PTPRB: variants seen among roughly 807,000 people sequenced by gnomAD.
PTPRB encodes the protein protein tyrosine phosphatase receptor type B, also known as receptor-type tyrosine-protein phosphatase beta.
Under a neutral mutation model 238.1 loss-of-function variants are expected in PTPRB, and 97 were observed. That is an observed-to-expected ratio of 0.41 (90% CI 0.35 to 0.48). PTPRB has a LOEUF of 0.48. Among genes scored for constraint, PTPRB ranks in the 20% least tolerant of loss-of-function variants. The pLI is 0.30. For synonymous variants in PTPRB, 970 were observed against 995.4 expected (o/e 0.97, Z 0.48); for missense variants, 2,292 against 2,681.9 (o/e 0.85, Z 3.21).
At chr12:70,598,201 G>A (rs1435051142) in intron 4 of PTPRB, among the ~76,000 whole-genome samples, 2 of 150,920 alleles carry the variant, frequency 1.3e-5, no homozygotes, top group Non-Finnish European at 2.9e-5. Flanking sequence ...TGTGTGCTTT[G>A]GGCAATTCCT....
chr12:70,528,669 AATAAT>A (rs1872744807), intron 32 of PTPRB, among the ~76,000 whole-genome samples: 1 of 152,174 alleles, frequency 6.6e-6, no homozygotes, highest in African/African-American at 2.4e-5. Flanking sequence ...AAAAAATAGA[AATAAT>A]AAATAAATGC....
chr12:70,558,373 T>C (rs1342818378), intron 18 of PTPRB, among the ~76,000 whole-genome samples: 7 of 152,230 alleles, frequency 4.6e-5, no homozygotes. Context: ...TATTAATGCT[T>C]ATTAAAAAAA....
chr12:70,529,920 C>A (rs1257610050), intron 32 of PTPRB, among the ~76,000 whole-genome samples: 1 of 151,986 alleles, frequency 6.6e-6, no homozygotes, highest in African/African-American at 2.4e-5. Context: ...GCCTCTAGAT[C>A]TAACCACCAG....
intron 1 of PTPRB, 96 bp from the exon 2 acceptor site, chr12:70,636,162 C>G (rs141947935): frequency 8.6e-7 from 1 of 1,169,286 alleles, no homozygotes; most frequent in Non-Finnish European, 1.2e-6. Context: ...AATAAAATCA[C>G]TAGTTTTACT....
At chr12:70,606,122 A>G (rs146914492) in intron 4 of PTPRB, among the ~76,000 whole-genome samples, 298 of 152,334 alleles carry the variant, frequency 2.0e-3, no homozygotes, top group Non-Finnish European at 3.5e-3. Flanking sequence ...CTCATCCAGA[A>G]AAGATGAGAT....
In PTPRB at chr12:70,520,360, G is replaced by C. The variant is rs533188506; in HGVS notation, c.*1129C>G. The C allele has an allele frequency of 8.4e-6, 2 of 237,698 alleles. No individual in the cohort carries two copies. Among genetic ancestry groups the C allele is most frequent in the African/African-American group, 4.7e-5 (2 of 42,772 alleles). 14.7% of individuals were successfully genotyped at this position (237,698 alleles called of 1,614,324 possible). On this transcript the variant is annotated 3_prime_UTR_variant, in exon 34 of 34. Transcript: ENST00000334414. ...ACTTTGGGTGATTACTTGACATTTT[G>C]ACTTCATTGATTTACTAAAAGAAGT...
At chr12:70,610,870 G>C (rs1356563455) in intron 3 of PTPRB, among the ~76,000 whole-genome samples, 1 of 152,028 alleles carries the variant, frequency 6.6e-6, no homozygotes, top group African/African-American at 2.4e-5. Flanking sequence ...ACTGTTGATA[G>C]TCAGCTCTCC....
At chr12:70,522,382 C>A in intron 33 of PTPRB, 1 of 152,320 alleles carries the variant, frequency 6.6e-6, no homozygotes, top group Non-Finnish European at 1.5e-5. Context: ...CAGCCCCAGT[C>A]TAAGTCTTGA....
chr12:70,535,942 G>C, intron 29 of PTPRB, 83 bp downstream of exon 29: 1 of 1,549,168 alleles, frequency 6.5e-7, no homozygotes, highest in Non-Finnish European at 8.8e-7. Context: ...GTTGTTTTGC[G>C]GGGTTTCACT....
intron 4 of PTPRB, among the ~76,000 whole-genome samples, chr12:70,604,262 T>C (rs889648148): frequency 3.3e-5 from 5 of 151,918 alleles, no homozygotes; most frequent in African/African-American, 1.2e-4. Flanking sequence ...AAAAATAAAA[T>C]AAAATTTTAA....
chr12:70,605,536 T>A (rs78795607), intron 4 of PTPRB, among the ~76,000 whole-genome samples: 3,614 of 152,222 alleles, frequency 0.024, 122 homozygotes, highest in African/African-American at 0.066. Context: ...AATTTTCAAA[T>A]GAAAACCACA....
At chr12:70,608,965 C>G in intron 4 of PTPRB, 104 bp downstream of exon 4, 1 of 1,407,742 alleles carries the variant, frequency 7.1e-7, no homozygotes. Context: ...GGTATTTTTA[C>G]CTTCATTTTT....
At chr12:70,583,893 A>G (rs1881629458) in intron 9 of PTPRB, among the ~76,000 whole-genome samples, 2 of 152,202 alleles carry the variant, frequency 1.3e-5, no homozygotes. Flanking sequence ...AAAAGAAATC[A>G]CATACATTTA....
chr12:70,637,300 C>T (rs1592619676), intron 1 of PTPRB, 41 bp downstream of exon 1: 1 of 1,565,752 alleles, frequency 6.4e-7, no homozygotes, highest in South Asian at 1.2e-5. Context: ...TTGGCTAGAT[C>T]TTGAAGAAAT....
chr12:70,560,851 C>T lies in PTPRB; in HGVS notation c.4252G>A (p.Asp1418Asn), dbSNP rs2136329082. The change falls in exon 17 of 34, where the codon GAC becomes AAC. Residue 1418 changes from aspartate (D) to asparagine (N), a missense_variant. Physicochemically the swap from Asp to Asn is conservative, Grantham distance 23 (BLOSUM62 1). Around this residue, in one of 4 missense-constraint regions of PTPRB, gnomAD observed 683 missense variants for 862.0 expected, o/e 0.79. Transcript: ENST00000334414. The surrounding 1 kb of genome is among the most constrained non-coding windows in gnomAD (Gnocchi z 4.2). ...AGAATCAGCTCATAAAAGTCAAAGT[C>T]CCCAGAGGCTGGACTCCAGTTGAAC... ...LWFNWSPASG[D>N]FDFYELILYN... 1 of 1,613,952 alleles carries T rather than the reference C, an allele frequency of 6.2e-7. No individual in the cohort carries two copies. Among genetic ancestry groups the T allele is most frequent in the Non-Finnish European group, 8.5e-7 (1 of 1,179,848 alleles).
Position 70,532,598 on chromosome 12 carries a change from G to C in PTPRB, c.6369-428C>G, listed in dbSNP as rs614012. On this transcript the variant is annotated intron_variant, in intron 31 of 33. Transcript: ENST00000334414. ...TATATTGCTACATATAGATCTTCTCGTTTCTTCTTTCCTTCCTTCTTTCTT... is the reference window on the plus strand; with the variant it reads ...TATATTGCTACATATAGATCTTCTCCTTTCTTCTTTCCTTCCTTCTTTCTT... Among the ~76,000 whole-genome samples, 1,047 of 151,640 alleles carry C rather than the reference G, an allele frequency of 6.9e-3. 13 individuals are homozygous for C. Among genetic ancestry groups the C allele is most frequent in the African/African-American group, 0.024 (984 of 41,314 alleles).
intron 10 of PTPRB, among the ~76,000 whole-genome samples, chr12:70,580,599 C>T (rs950148403): frequency 1.3e-5 from 2 of 151,986 alleles, no homozygotes; most frequent in African/African-American, 4.8e-5. Flanking sequence ...GCGGGTGGAT[C>T]ACCTGAGGTC....
intron 18 of PTPRB, chr12:70,558,934 C>T (rs1294128430): frequency 3.8e-6 from 1 of 260,510 alleles, no homozygotes; most frequent in East Asian, 7.7e-5. Flanking sequence ...ATTCTCTCTA[C>T]CTGGAATATT....
intron 19 of PTPRB, among the ~76,000 whole-genome samples, chr12:70,555,586 C>T (rs1419284645): frequency 6.6e-6 from 1 of 152,132 alleles, no homozygotes; most frequent in Non-Finnish European, 1.5e-5. Flanking sequence ...CTTAAGAGCT[C>T]CATTATAGCT....
Sources: gnomAD v4.1 joint callset for allele counts (sites outside exome capture counted in the v4.1 genomes callset) on GRCh38, gnomAD v4.1.1 for gene constraint, gnomAD v4.1.1 regional missense constraint, Gnocchi (gnomAD v3.1) non-coding constraint, MANE v1.5 for transcripts, NCBI Gene and HGNC (gene_info 2026-07-23, HGNC 2026-07-21) for gene names.